The following STXBP6 variants were observed in gnomAD, a reference collection of about 807,000 sequenced individuals.
The protein encoded by STXBP6 is syntaxin-binding protein 6.
In STXBP6, 21 loss-of-function variants were observed where a neutral mutation model predicts 26.9. That is an observed-to-expected ratio of 0.78 (90% CI 0.55 to 1.12). The LOEUF (loss-of-function observed/expected upper bound fraction) is 1.12. Ranked by LOEUF, STXBP6 falls within the 50% of genes most tolerant of loss-of-function variation. The pLI is 0.00. For synonymous variants in STXBP6, 97 were observed against 92.6 expected (o/e 1.05, Z -0.27); for missense variants, 232 against 257.9 (o/e 0.90, Z 0.69).
At chr14:24,974,092 C>T (rs2073978534) in intron 2 of STXBP6, among the ~76,000 whole-genome samples, 1 of 149,968 alleles carries the variant, frequency 6.7e-6, no homozygotes, top group African/African-American at 2.5e-5. Flanking sequence ...CAATCACAAA[C>T]AGAAAGAGAA....
At chr14:24,960,258 G>A (rs2073486897) in intron 2 of STXBP6, among the ~76,000 whole-genome samples, 2 of 152,216 alleles carry the variant, frequency 1.3e-5, no homozygotes. Flanking sequence ...TCTGAAGCCA[G>A]ACGTTTGACA....
At chr14:24,887,991 C>T (rs1446246166) in intron 2 of STXBP6, among the ~76,000 whole-genome samples, 4 of 152,174 alleles carry the variant, frequency 2.6e-5, no homozygotes, top group Non-Finnish European at 5.9e-5. Flanking sequence ...GTTTAATACA[C>T]AGTTTAAAGA....
At position 24,950,204 on chromosome 14, in the gene STXBP6, G is replaced by A. The variant is rs73593475; in HGVS notation, c.154+24461C>T. On this transcript the variant is annotated intron_variant, in intron 2 of 5. Coordinates refer to ENST00000323944, the MANE Select transcript of STXBP6 (RefSeq NM_001394410.1). Reference sequence around the variant, plus strand: ...TAAAATTAAAAATGATCACACATGTGGAGCAACAGGCACTCTATACACTGC... The same window carrying A: ...TAAAATTAAAAATGATCACACATGTAGAGCAACAGGCACTCTATACACTGC... Among the ~76,000 whole-genome samples the A allele has an allele frequency of 2.0e-3, 300 of 152,176 alleles. 1 individual carries two copies. Among genetic ancestry groups the A allele is most frequent in the African/African-American group, 4.8e-3 (199 of 41,500 alleles).
intron 4 of STXBP6, among the ~76,000 whole-genome samples, chr14:24,822,806 C>T (rs759414040): frequency 2.0e-5 from 3 of 152,178 alleles, no homozygotes; most frequent in Non-Finnish European, 2.9e-5. Context: ...GCAGAAGATA[C>T]TCCTTACATA....
intron 4 of STXBP6, among the ~76,000 whole-genome samples, chr14:24,850,059 T>C (rs2069094774): frequency 6.6e-6 from 1 of 152,114 alleles, no homozygotes; most frequent in Admixed American, 6.6e-5. Context: ...TAGATTCCTT[T>C]AAAGTACTAT....
intron 2 of STXBP6, among the ~76,000 whole-genome samples, chr14:24,960,303 T>C (rs755876145): frequency 2.0e-5 from 3 of 152,192 alleles, no homozygotes; most frequent in Non-Finnish European, 4.4e-5. Flanking sequence ...AGAAGTTACA[T>C]GTACTGCAGC....
intron 1 of STXBP6, among the ~76,000 whole-genome samples, chr14:25,000,352 C>G (rs1404969575): frequency 1.3e-5 from 2 of 150,278 alleles, no homozygotes; most frequent in Non-Finnish European, 3.0e-5. Context: ...TGTGAGCCAC[C>G]GTGCCTGGCC....
intron 4 of STXBP6, among the ~76,000 whole-genome samples, chr14:24,837,714 C>A (rs974779380): frequency 6.6e-6 from 1 of 152,150 alleles, no homozygotes; most frequent in Admixed American, 6.5e-5. Context: ...AATTAAGAGT[C>A]AATCAATAAA....
At chr14:25,030,332 A>G (rs959643415) in intron 1 of STXBP6, among the ~76,000 whole-genome samples, 2 of 152,200 alleles carry the variant, frequency 1.3e-5, no homozygotes, top group Non-Finnish European at 2.9e-5. Flanking sequence ...CTGAATGGGA[A>G]AAGGAAGCCA....
At chr14:25,032,294 G>A (rs912610917) in intron 1 of STXBP6, among the ~76,000 whole-genome samples, 1 of 152,086 alleles carries the variant, frequency 6.6e-6, no homozygotes, top group Non-Finnish European at 1.5e-5. Flanking sequence ...TCCATCATCC[G>A]ACATCGCTCG....
At position 24,812,427 on chromosome 14, in the gene STXBP6, C is replaced by A; in HGVS notation, c.*282G>T. The stretch of plus-strand genomic sequence containing the variant: ...AAAAAATATTTTTTAATAAAGAAAA[C>A]ATATTCAAAACATACATATACACAC... On this transcript the variant is annotated 3_prime_UTR_variant, in exon 6 of 6. Transcript: ENST00000323944. 6.5e-6 allele frequency: 2 copies of A among 306,148 alleles called. No homozygotes were observed. The highest frequency in any genetic ancestry group is 6.0e-6 in the Non-Finnish European group (1 of 167,056). 19.0% of individuals were successfully genotyped at this position (306,148 alleles called of 1,614,324 possible). A position where few individuals can be genotyped will look rare whatever the true frequency, so the allele number is the denominator to read the frequency against.
chr14:24,911,489 CAAAG>C (rs554787902), intron 2 of STXBP6, among the ~76,000 whole-genome samples: 34 of 151,270 alleles, frequency 2.2e-4, no homozygotes, highest in South Asian at 4.2e-4. Flanking sequence ...GGAGGATGTC[CAAAG>C]AAAGAAAGAA....
At chr14:24,981,732 ATG>A (rs1310229287) in intron 1 of STXBP6, among the ~76,000 whole-genome samples, 1 of 152,188 alleles carries the variant, frequency 6.6e-6, no homozygotes, top group African/African-American at 2.4e-5. Flanking sequence ...TGCACACACC[ATG>A]TGTGTGTTAC....
At chr14:25,040,932 T>G (rs185337559) in intron 1 of STXBP6, among the ~76,000 whole-genome samples, 204 of 152,378 alleles carry the variant, frequency 1.3e-3, no homozygotes, top group Non-Finnish European at 1.2e-3. Flanking sequence ...TGAAGTCTCA[T>G]TTCTCAGTAG....
chr14:24,815,069 G>T (rs761451838), intron 5 of STXBP6, among the ~76,000 whole-genome samples: 18 of 152,172 alleles, frequency 1.2e-4, no homozygotes, highest in Admixed American at 2.6e-4. Context: ...AATTAGGAGC[G>T]TTAGAATATG....
intron 2 of STXBP6, among the ~76,000 whole-genome samples, chr14:24,865,275 CCT>C (rs2069677452): frequency 6.6e-6 from 1 of 151,916 alleles, no homozygotes; most frequent in African/African-American, 2.4e-5. Context: ...CATAATGACC[CCT>C]GAGAGATGGG....
At chr14:24,858,290 T>G (rs1396783730) in intron 2 of STXBP6, among the ~76,000 whole-genome samples, 16 of 152,180 alleles carry the variant, frequency 1.1e-4, no homozygotes, top group African/African-American at 3.9e-4. Context: ...AGTTTCATTG[T>G]CGGGGGCCAT....
intron 4 of STXBP6, among the ~76,000 whole-genome samples, chr14:24,835,152 T>C (rs1171825109): frequency 6.6e-6 from 1 of 152,192 alleles, no homozygotes; most frequent in Non-Finnish European, 1.5e-5. Context: ...CTTCCGTGTT[T>C]AATTTGAATC....
chr14:24,941,893 A>T (rs1022069368), intron 2 of STXBP6, among the ~76,000 whole-genome samples: 6 of 152,260 alleles, frequency 3.9e-5, no homozygotes, highest in African/African-American at 1.4e-4. Context: ...TGTGAGTAGC[A>T]GTTACAGGGC....
Sources: allele counts gnomAD v4.1 joint callset (sites outside exome capture counted in the v4.1 genomes callset), GRCh38; gene constraint gnomAD v4.1.1; transcripts MANE v1.5; gene names NCBI Gene and HGNC (gene_info 2026-07-23, HGNC 2026-07-21).